ZFPM2: variants seen among roughly 807,000 people sequenced by gnomAD.
ZFPM2 encodes zinc finger protein ZFPM2.
Under a neutral mutation model 98.6 loss-of-function variants are expected in ZFPM2, and 20 were observed. The ratio of observed to expected loss-of-function variants is 0.20; its 90% CI spans 0.14 to 0.29. The LOEUF (loss-of-function observed/expected upper bound fraction) is 0.29, where lower values mean the gene tolerates loss of function less well. ZFPM2 is among the 10% of genes least tolerant of loss of function. The probability of loss-of-function intolerance (pLI) is 1.00; values close to 1 mark genes in which losing one functional copy is unlikely to be tolerated. For missense variants in ZFPM2, 1,310 were observed against 1,388.6 expected, an observed-to-expected ratio of 0.94 and a Z score of 0.90; for synonymous variants, 518 against 502.7, an observed-to-expected ratio of 1.03 and a Z score of -0.41.
intron 4 of ZFPM2, among the ~76,000 whole-genome samples, chr8:105,598,060 A>T (rs1372959112): frequency 6.6e-6 from 1 of 151,108 alleles, no homozygotes; most frequent in Non-Finnish European, 1.5e-5. Context: ...TTGGAAAAAA[A>T]AAAACCTTTT....
At chr8:105,767,764 T>C (rs1812887680) in intron 5 of ZFPM2, among the ~76,000 whole-genome samples, 2 of 151,950 alleles carry the variant, frequency 1.3e-5, no homozygotes, top group Non-Finnish European at 2.9e-5. Context: ...GTTCAAATGC[T>C]TTTTGATATC....
chr8:105,744,772 G>T (rs1202676536), intron 5 of ZFPM2, among the ~76,000 whole-genome samples: 4 of 152,098 alleles, frequency 2.6e-5, no homozygotes, highest in Non-Finnish European at 5.9e-5. Flanking sequence ...GGCAAGTAGT[G>T]CATGGCACAT....
chr8:105,718,239 A>G (rs1296699170), intron 5 of ZFPM2, among the ~76,000 whole-genome samples: 1 of 151,838 alleles, frequency 6.6e-6, no homozygotes, highest in Non-Finnish European at 1.5e-5. Context: ...CTTATATCAA[A>G]TGGGGATGAT....
chr8:105,446,252 A>G (rs4734865), intron 3 of ZFPM2, among the ~76,000 whole-genome samples: 8,076 of 152,240 alleles, frequency 0.053, 432 homozygotes, highest in Admixed American at 0.18. Context: ...AAGTATGTAT[A>G]TGTTAATTTA....
intron 4 of ZFPM2, among the ~76,000 whole-genome samples, chr8:105,579,116 A>T (rs947126760): frequency 3.3e-5 from 5 of 152,162 alleles, no homozygotes; most frequent in African/African-American, 1.2e-4. Context: ...AGGTGCTACA[A>T]TTTTTTAAAA....
intron 5 of ZFPM2, among the ~76,000 whole-genome samples, chr8:105,695,755 T>C (rs1811004154): frequency 6.6e-6 from 1 of 152,172 alleles, no homozygotes; most frequent in Non-Finnish European, 1.5e-5. Flanking sequence ...AATGTACTAT[T>C]ATAGAAATAT....
At chr8:105,692,548 A>G (rs1810911499) in intron 5 of ZFPM2, among the ~76,000 whole-genome samples, 2 of 152,240 alleles carry the variant, frequency 1.3e-5, no homozygotes, top group Admixed American at 1.3e-4. Context: ...TGTAGCATGC[A>G]TTAAGTGCTT....
chr8:105,364,928 G>A (rs969291330), intron 1 of ZFPM2, among the ~76,000 whole-genome samples: 1 of 151,968 alleles, frequency 6.6e-6, no homozygotes, highest in African/African-American at 2.4e-5. Context: ...TGCACCTCCC[G>A]TTTAGTCCTT....
chr8:105,802,572 A>C lies in ZFPM2; in HGVS notation c.2490A>C (p.Ile830=), dbSNP rs368201603. The part of the protein sequence containing the change: ...SVSCLEMDVP[I]DLSKKCLSQS... ...CCTGCCTAGAGATGGACGTGCCCAT[A>C]GATCTCAGCAAAAAGTGTTTATCTC... The change falls in exon 8 of 8, where the codon ATA becomes ATC. Residue 830 remains isoleucine (I), a synonymous_variant. Coordinates refer to ENST00000407775, the MANE Select transcript of ZFPM2 (RefSeq NM_012082.4). 1 of 1,610,960 alleles carries C rather than the reference A, an allele frequency of 6.2e-7. No individual in the cohort carries two copies. Among genetic ancestry groups the C allele is most frequent in the East Asian group, 2.2e-5 (1 of 44,760 alleles).
intron 6 of ZFPM2, among the ~76,000 whole-genome samples, chr8:105,792,942 A>C (rs1196806113): frequency 6.6e-6 from 1 of 152,004 alleles, no homozygotes; most frequent in Non-Finnish European, 1.5e-5. Context: ...TGCTTGGTAG[A>C]TCTTCCTCCA....
intron 5 of ZFPM2, among the ~76,000 whole-genome samples, chr8:105,667,413 G>C (rs1817510556): frequency 6.6e-6 from 1 of 152,172 alleles, no homozygotes; most frequent in South Asian, 2.1e-4. Flanking sequence ...CTTCAAAATT[G>C]TGCGTAGGTA....
intron 4 of ZFPM2, among the ~76,000 whole-genome samples, chr8:105,603,437 T>C (rs1816134425): frequency 6.6e-6 from 1 of 152,132 alleles, no homozygotes; most frequent in African/African-American, 2.4e-5. Context: ...TGCAAATGAA[T>C]TGTAGTATGG....
chr8:105,346,904 A>G (rs755455885), intron 1 of ZFPM2, among the ~76,000 whole-genome samples: 44 of 152,316 alleles, frequency 2.9e-4, no homozygotes, highest in South Asian at 2.1e-4. Context: ...ATTAGCACTC[A>G]GTAAATGCTA....
At chr8:105,420,192 T>G (rs1811763865) in intron 2 of ZFPM2, among the ~76,000 whole-genome samples, 1 of 152,192 alleles carries the variant, frequency 6.6e-6, no homozygotes, top group South Asian at 2.1e-4. Flanking sequence ...ATGTTTGTTT[T>G]TTATGCAGAT....
At chr8:105,490,246 CA>C (rs1003164625) in intron 3 of ZFPM2, among the ~76,000 whole-genome samples, 10 of 149,276 alleles carry the variant, frequency 6.7e-5, no homozygotes, top group Non-Finnish European at 7.4e-5. Flanking sequence ...GACTCCGTCT[CA>C]AAAAAAAAGA....
intron 5 of ZFPM2, among the ~76,000 whole-genome samples, chr8:105,654,134 C>T (rs1817238173): frequency 6.6e-6 from 1 of 151,546 alleles, no homozygotes; most frequent in Non-Finnish European, 1.5e-5. Flanking sequence ...TTAGGGGAAA[C>T]ACAGGCCCCT....
chr8:105,686,257 A>C (rs1056615872), intron 5 of ZFPM2, among the ~76,000 whole-genome samples: 3 of 152,142 alleles, frequency 2.0e-5, no homozygotes, highest in African/African-American at 7.2e-5. Context: ...TTCAGTTCCT[A>C]GTTCAGCTTG....
chr8:105,527,830 G>T (rs1020605844), intron 3 of ZFPM2, among the ~76,000 whole-genome samples: 3 of 152,196 alleles, frequency 2.0e-5, no homozygotes, highest in Non-Finnish European at 2.9e-5. Flanking sequence ...TGAAGAAAGT[G>T]TGGCATCTTA....
At chr8:105,337,740 G>A (rs1417428612) in intron 1 of ZFPM2, among the ~76,000 whole-genome samples, 1 of 130,244 alleles carries the variant, frequency 7.7e-6, no homozygotes, top group African/African-American at 3.0e-5. Flanking sequence ...ATTCTTTTTG[G>A]TCATAGTTCA....
Sources: allele counts gnomAD v4.1 joint callset (sites outside exome capture counted in the v4.1 genomes callset), GRCh38; gene constraint gnomAD v4.1.1; transcripts MANE v1.5; gene names NCBI Gene and HGNC (gene_info 2026-07-23, HGNC 2026-07-21).